The following FNDC3B variants were observed in gnomAD, a reference collection of about 807,000 sequenced individuals.
FNDC3B encodes fibronectin type III domain containing 3B.
Under a neutral mutation model 151.5 loss-of-function variants are expected in FNDC3B, and 12 were observed. The ratio of observed to expected loss-of-function variants is 0.08; its 90% CI spans 0.05 to 0.13. The LOEUF (loss-of-function observed/expected upper bound fraction) is 0.13, where lower values mean the gene tolerates loss of function less well. Among genes scored for constraint, FNDC3B ranks in the 10% least tolerant of loss-of-function variants. The probability of loss-of-function intolerance (pLI) is 1.00; values close to 1 mark genes in which losing one functional copy is unlikely to be tolerated. For missense variants in FNDC3B, 1,214 were observed against 1,505.3 expected, an observed-to-expected ratio of 0.81 and a Z score of 3.20; for synonymous variants, 528 against 549.0, an observed-to-expected ratio of 0.96 and a Z score of 0.54.
chr3:172,101,586 C>G (rs1405443021), intron 1 of FNDC3B, among the ~76,000 whole-genome samples: 1 of 152,076 alleles, frequency 6.6e-6, no homozygotes, highest in Non-Finnish European at 1.5e-5. Flanking sequence ...AAGGGAGAAG[C>G]CTTCAACCTG....
chr3:172,349,055 C>T (rs1733737341), intron 21 of FNDC3B, among the ~76,000 whole-genome samples: 1 of 152,014 alleles, frequency 6.6e-6, no homozygotes, highest in Non-Finnish European at 1.5e-5. Flanking sequence ...CTGTAGGAGG[C>T]TGAGGCCGGC....
At chr3:172,317,920 C>T (rs1731890598) in intron 11 of FNDC3B, among the ~76,000 whole-genome samples, 2 of 152,156 alleles carry the variant, frequency 1.3e-5, no homozygotes, top group African/African-American at 4.8e-5. Flanking sequence ...CACAGAATAA[C>T]CAGAAAAAGC....
chr3:172,044,418 G>A (rs1716260616), intron 1 of FNDC3B, among the ~76,000 whole-genome samples: 1 of 151,418 alleles, frequency 6.6e-6, no homozygotes, highest in Non-Finnish European at 1.5e-5. Flanking sequence ...ATCTTCCATA[G>A]TTATGGTACT....
At chr3:172,255,894 C>G (rs1728313035) in intron 6 of FNDC3B, among the ~76,000 whole-genome samples, 1 of 152,214 alleles carries the variant, frequency 6.6e-6, no homozygotes, top group African/African-American at 2.4e-5. Flanking sequence ...TCCCTGGTGT[C>G]TCCTCATACG....
intron 6 of FNDC3B, among the ~76,000 whole-genome samples, chr3:172,285,131 C>G (rs1444876759): frequency 1.3e-5 from 2 of 152,112 alleles, no homozygotes; most frequent in Non-Finnish European, 2.9e-5. Flanking sequence ...GCACCGTCAT[C>G]CATCCAGTTG....
chr3:172,244,617 CTTTTTTT>C (rs11294678), intron 4 of FNDC3B, among the ~76,000 whole-genome samples: 67 of 73,090 alleles, frequency 9.2e-4, no homozygotes, highest in African/African-American at 4.1e-3. Flanking sequence ...AATATTTCAC[CTTTTTTT>C]TTTTTTTTTT....
chr3:172,094,623 T>C (rs1719009353), intron 1 of FNDC3B, among the ~76,000 whole-genome samples: 1 of 152,166 alleles, frequency 6.6e-6, no homozygotes, highest in Non-Finnish European at 1.5e-5. Flanking sequence ...CTGCTGTGAA[T>C]ATCTGTGAGG....
At chr3:172,380,876 C>T in intron 24 of FNDC3B, 90 bp from the exon 25 acceptor site, 2 of 1,437,286 alleles carry the variant, frequency 1.4e-6, no homozygotes, top group Middle Eastern at 1.8e-4. Context: ...CAATCTTGCT[C>T]TCTCTGGGTT....
intron 6 of FNDC3B, among the ~76,000 whole-genome samples, chr3:172,265,928 A>G (rs1038920506): frequency 3.9e-5 from 6 of 152,214 alleles, no homozygotes; most frequent in African/African-American, 1.4e-4. Context: ...AATGCACAAG[A>G]TGGGAAGAAC....
intron 7 of FNDC3B, among the ~76,000 whole-genome samples, chr3:172,292,998 G>C (rs758401802): frequency 1.3e-5 from 2 of 152,172 alleles, no homozygotes; most frequent in Non-Finnish European, 2.9e-5. Flanking sequence ...ACAGGAACCT[G>C]TCCAGAATCA....
chr3:172,311,550 A>G (rs917917260), intron 11 of FNDC3B, among the ~76,000 whole-genome samples: 23 of 152,004 alleles, frequency 1.5e-4, no homozygotes, highest in African/African-American at 5.1e-4. Flanking sequence ...GAAACACTTG[A>G]CCTAGAAGCC....
rs1177435329 is a variant in FNDC3B, at chr3:172,362,765, A to G, written c.2928A>G (p.Leu976=). Reference sequence around the variant, plus strand: ...CTGCTGGTCCTCAGAGCCTGAAGCTAAAATGGGGAGACAGTAACTCCAAGA... The same window carrying G: ...CTGCTGGTCCTCAGAGCCTGAAGCTGAAATGGGGAGACAGTAACTCCAAGA... ...CAAAGPQSLK[L]KWGDSNSKTH... Residue 976 remains leucine, a synonymous_variant, in exon 23 of 26, where the codon CTA becomes CTG. Coordinates refer to ENST00000415807, the MANE Select transcript of FNDC3B (RefSeq NM_022763.4). 1 of 1,614,102 alleles carries G rather than the reference A, an allele frequency of 6.2e-7. No individual in the cohort carries two copies. The highest frequency in any genetic ancestry group is 2.2e-5 in the East Asian group (1 of 44,872).
At chr3:172,229,084 AACACACACACACACACAC>A (rs760446690) in intron 4 of FNDC3B, among the ~76,000 whole-genome samples, 52 of 117,858 alleles carry the variant, frequency 4.4e-4, no homozygotes, top group South Asian at 1.6e-3. Context: ...GAAAGAAAGA[AACACACACACACACACAC>A]ACACACACAC....
intron 2 of FNDC3B, among the ~76,000 whole-genome samples, chr3:172,119,368 C>G (rs1396169594): frequency 8.3e-6 from 1 of 120,886 alleles, no homozygotes; most frequent in African/African-American, 3.2e-5. Context: ...AGTTGAGGAG[C>G]AAAATGTGGC....
chr3:172,381,330 A>T lies in FNDC3B; in HGVS notation c.3303+237A>T, dbSNP rs527741564. Among the ~76,000 whole-genome samples, 16 of 152,328 alleles carry T rather than the reference A, an allele frequency of 1.1e-4. 1 individual carries two copies. The highest frequency in any genetic ancestry group is 8.3e-4 in the South Asian group (4 of 4,826). On this transcript the variant is annotated intron_variant, in intron 25 of 25. Coordinates refer to ENST00000415807, the MANE Select transcript of FNDC3B (RefSeq NM_022763.4). ...TCTCAAGCATATGTTTGTCTTAAAG[A>T]GTTGTAAATCGTTTATTTGTATTTG...
intron 6 of FNDC3B, among the ~76,000 whole-genome samples, chr3:172,263,045 A>G (rs951101974): frequency 8.6e-5 from 13 of 150,720 alleles, no homozygotes; most frequent in African/African-American, 2.9e-4. Context: ...TTAAAACCAA[A>G]TTCACTCTCA....
chr3:172,250,179 A>C (rs1357908506), intron 5 of FNDC3B, among the ~76,000 whole-genome samples: 1 of 152,208 alleles, frequency 6.6e-6, no homozygotes, highest in Non-Finnish European at 1.5e-5. Context: ...TGAGATCATA[A>C]GATTGCTTGC....
chr3:172,159,257 C>T (rs1161685821), intron 3 of FNDC3B, among the ~76,000 whole-genome samples: 7 of 152,130 alleles, frequency 4.6e-5, no homozygotes, highest in Admixed American at 4.6e-4. Flanking sequence ...CCAGCCTGGG[C>T]AACAAGATCG....
At chr3:172,335,961 G>A (rs1732943572) in intron 15 of FNDC3B, 2 of 151,974 alleles carry the variant, frequency 1.3e-5, no homozygotes, top group Admixed American at 6.6e-5. Context: ...GTTTCCCCAA[G>A]AGATGGATAT....
Sources: allele counts gnomAD v4.1 joint callset (sites outside exome capture counted in the v4.1 genomes callset), GRCh38; gene constraint gnomAD v4.1.1; transcripts MANE v1.5; gene names NCBI Gene and HGNC (gene_info 2026-07-23, HGNC 2026-07-21).